Variants in FANCL observed in about 807,000 individuals in gnomAD.
FANCL encodes E3 ubiquitin-protein ligase FANCL.
In FANCL, 69 loss-of-function variants were observed where a neutral mutation model predicts 59.4. That is an observed-to-expected ratio of 1.16 (90% CI 0.96 to 1.42). The LOEUF (loss-of-function observed/expected upper bound fraction) is 1.42, where lower values mean the gene tolerates loss of function less well. Ranked by LOEUF, FANCL falls within the 40% of genes most tolerant of loss-of-function variation. The pLI is 0.00. For missense variants in FANCL, 519 were observed against 447.2 expected (o/e 1.16, Z -1.45); for synonymous variants, 180 against 147.1 (o/e 1.22, Z -1.62).
Position 58,241,220 on chromosome 2 carries a change from G to A in FANCL, c.94C>T (p.Gln32Ter). The A allele has an allele frequency of 6.2e-7, 1 of 1,614,238 alleles. No individual in the cohort carries two copies. Among genetic ancestry groups the A allele is most frequent in the South Asian group, 1.1e-5 (1 of 91,086 alleles). The stretch of plus-strand genomic sequence containing the variant: ...GAAAGCAACCACTGGGCGGGTACCT[G>A]AGCCGAGATGAATCCCTCATACACG... ...KTVYEGFISAQGRDFHLRIVL... is the reference protein window; with the variant it reads ...KTVYEGFISA Residue 32 changes from glutamine (Q) to a stop codon, truncating the protein, a stop_gained and splice_region_variant, in exon 1 of 14, where the codon CAG becomes TAG. Transcript: ENST00000233741. LOFTEE classifies it high-confidence loss of function.
intron 4 of FANCL, 56 bp from the exon 5 acceptor site, chr2:58,222,098 A>C: frequency 5.0e-6 from 6 of 1,207,070 alleles, no homozygotes; most frequent in Non-Finnish European, 7.4e-6. Context: ...ATGAACTGTT[A>C]ATACCTGATT....
chr2:58,231,976 A>G, intron 2 of FANCL, 78 bp downstream of exon 2: 1 of 1,212,380 alleles, frequency 8.2e-7, no homozygotes, highest in Non-Finnish European at 1.2e-6. Flanking sequence ...TCTAGTCACT[A>G]GAATCAATTT....
intron 5 of FANCL, among the ~76,000 whole-genome samples, chr2:58,217,398 G>A (rs990122257): frequency 1.3e-5 from 2 of 150,372 alleles, no homozygotes; most frequent in Admixed American, 1.3e-4. Flanking sequence ...GCCTCTTCCA[G>A]TTTCTGGTGG....
At chr2:58,208,444 A>G (rs1173420119) in intron 5 of FANCL, among the ~76,000 whole-genome samples, 1 of 152,222 alleles carries the variant, frequency 6.6e-6, no homozygotes, top group Non-Finnish European at 1.5e-5. Flanking sequence ...ATAAAGCTTC[A>G]GGGATGTTTT....
intron 7 of FANCL, among the ~76,000 whole-genome samples, chr2:58,169,136 G>C (rs1266974810): frequency 1.3e-5 from 2 of 152,208 alleles, no homozygotes; most frequent in East Asian, 3.9e-4. Context: ...GGGGTCAAAA[G>C]ACAACTCATA....
chr2:58,207,333 T>C (rs914546871), intron 5 of FANCL, among the ~76,000 whole-genome samples: 1 of 152,288 alleles, frequency 6.6e-6, no homozygotes. Context: ...TTTAAAACGG[T>C]AGCCACCAGC....
chr2:58,230,532 GC>G lies in FANCL; in HGVS notation c.156-659del, dbSNP rs556568178. Among the ~76,000 whole-genome samples the G allele has an allele frequency of 8.2e-3, 1,246 of 152,170 alleles. 8 individuals are homozygous for G. The highest frequency in any genetic ancestry group is 0.011 in the Non-Finnish European group (720 of 67,984). On this transcript the variant is annotated intron_variant, in intron 2 of 13. Coordinates refer to ENST00000233741, the MANE Select transcript of FANCL (RefSeq NM_018062.4). ...TAAGTTAATGTTCATCCACTTACTG[GC>G]TGACCTCTGTTGTGCTCCCGATACT... is the stretch of plus-strand genomic sequence containing the variant.
chr2:58,204,965 G>A (rs1275876210), intron 5 of FANCL, among the ~76,000 whole-genome samples: 1 of 152,022 alleles, frequency 6.6e-6, no homozygotes, highest in African/African-American at 2.4e-5. Flanking sequence ...CCCTTGAGTA[G>A]CATAAGCTAC....
At position 58,163,474 on chromosome 2, in the gene FANCL, A is replaced by G; in HGVS notation, c.735T>C (p.Pro245=). The change falls in exon 9 of 14, where the codon CCT becomes CCC. Residue 245 remains proline, a synonymous_variant. Transcript: ENST00000233741. The stretch of plus-strand genomic sequence containing the variant: ...GAAAGAAGCACTCAGGAAGCATAGT[A>G]GGATGCCTGGGGTCTACCTCTATAT... ...SINIEVDPRH[P]TMLPECFFLG... is the part of the protein sequence containing the mutation. 4 of 1,610,968 alleles carry G rather than the reference A, an allele frequency of 2.5e-6. No homozygotes were observed. The highest frequency in any genetic ancestry group is 2.7e-5 in the African/African-American group (2 of 74,964).
chr2:58,177,238 C>G (rs886902311), intron 7 of FANCL, among the ~76,000 whole-genome samples: 1 of 152,142 alleles, frequency 6.6e-6, no homozygotes, highest in African/African-American at 2.4e-5. Flanking sequence ...CCTCAGGGAT[C>G]TAGGACTAGA....
chr2:58,223,090 A>G (rs1692642213), intron 4 of FANCL, among the ~76,000 whole-genome samples: 1 of 151,658 alleles, frequency 6.6e-6, no homozygotes, highest in Non-Finnish European at 1.5e-5. Context: ...TTCAAAACCA[A>G]AACTATTAAC....
chr2:58,198,100 T>G (rs531177206), intron 7 of FANCL, among the ~76,000 whole-genome samples: 1 of 151,860 alleles, frequency 6.6e-6, no homozygotes, highest in Non-Finnish European at 1.5e-5. Flanking sequence ...TGTGTTTGTG[T>G]GTGCATGTAG....
At chr2:58,169,981 C>T (rs186773134) in intron 7 of FANCL, among the ~76,000 whole-genome samples, 1 of 152,256 alleles carries the variant, frequency 6.6e-6, no homozygotes, top group East Asian at 1.9e-4. Context: ...AAACACTCTT[C>T]AGGATGTTAT....
chr2:58,192,453 T>A (rs1208024795), intron 7 of FANCL, among the ~76,000 whole-genome samples: 1 of 151,826 alleles, frequency 6.6e-6, no homozygotes, highest in Non-Finnish European at 1.5e-5. Context: ...AATGGAAAAG[T>A]TTTTTAAAAA....
chr2:58,189,051 C>T (rs1054967876), intron 7 of FANCL, among the ~76,000 whole-genome samples: 13 of 152,108 alleles, frequency 8.5e-5, no homozygotes, highest in South Asian at 2.1e-4. Context: ...GCAAACAAAT[C>T]AATGGTAGCA....
intron 5 of FANCL, among the ~76,000 whole-genome samples, chr2:58,215,498 GAAAA>G (rs1193765397): frequency 6.6e-6 from 1 of 152,062 alleles, no homozygotes; most frequent in Non-Finnish European, 1.5e-5. Flanking sequence ...CTGATAAAAA[GAAAA>G]TGGGGGAAAA....
intron 1 of FANCL, among the ~76,000 whole-genome samples, chr2:58,236,090 G>GT (rs1428351119): frequency 1.3e-5 from 2 of 150,620 alleles, no homozygotes; most frequent in Non-Finnish European, 3.0e-5. Flanking sequence ...AATGGCAGAT[G>GT]TTTTTTCCAA....
chr2:58,210,716 A>T (rs1691057880), intron 5 of FANCL, among the ~76,000 whole-genome samples: 1 of 152,200 alleles, frequency 6.6e-6, no homozygotes, highest in African/African-American at 2.4e-5. Flanking sequence ...GCATTCGATA[A>T]ATACAGCCAT....
intron 7 of FANCL, among the ~76,000 whole-genome samples, chr2:58,168,150 G>T (rs764501439): frequency 4.6e-5 from 7 of 152,110 alleles, no homozygotes; most frequent in Non-Finnish European, 1.0e-4. Context: ...TAACATTCTT[G>T]GTGGCTGGCA....
Sources: gnomAD v4.1 joint callset for allele counts (sites outside exome capture counted in the v4.1 genomes callset) on GRCh38, gnomAD v4.1.1 for gene constraint, MANE v1.5 for transcripts, NCBI Gene and HGNC (gene_info 2026-07-23, HGNC 2026-07-21) for gene names.